IKZF1: variants seen among roughly 807,000 people sequenced by gnomAD.
IKZF1 encodes the protein IKAROS family zinc finger 1.
In IKZF1, 10 loss-of-function variants were observed where a neutral mutation model predicts 51.7. That is an observed-to-expected ratio of 0.19 (90% CI 0.12 to 0.33). The LOEUF (loss-of-function observed/expected upper bound fraction) is 0.33, where lower values mean the gene tolerates loss of function less well. Among genes scored for constraint, IKZF1 ranks in the 10% least tolerant of loss-of-function variants. The pLI, the probability that IKZF1 is intolerant of heterozygous loss-of-function variation, is 1.00. For synonymous variants in IKZF1, 280 were observed against 282.3 expected (o/e 0.99, Z 0.08); for missense variants, 484 against 707.5 (o/e 0.68, Z 3.58).
intron 3 of IKZF1, chr7:50,368,375 T>A: frequency 1.5e-6 from 1 of 678,430 alleles, no homozygotes; most frequent in East Asian, 2.7e-5. Flanking sequence ...CTGTAATCCT[T>A]TTTATTGAGT....
intron 3 of IKZF1, among the ~76,000 whole-genome samples, chr7:50,373,155 T>C (rs1440862573): frequency 6.6e-6 from 1 of 152,232 alleles, no homozygotes; most frequent in East Asian, 1.9e-4. Flanking sequence ...TTCTGTTTCC[T>C]TCCTGTCACA....
At chr7:50,364,504 C>G (rs1325469052) in intron 3 of IKZF1, among the ~76,000 whole-genome samples, 1 of 152,206 alleles carries the variant, frequency 6.6e-6, no homozygotes, top group East Asian at 1.9e-4. Context: ...CCTGAATTTA[C>G]TAAAGGACAG....
intron 3 of IKZF1, among the ~76,000 whole-genome samples, chr7:50,332,549 C>T (rs1796645626): frequency 6.6e-6 from 1 of 151,990 alleles, no homozygotes; most frequent in Non-Finnish European, 1.5e-5. Flanking sequence ...GGATGGCCAC[C>T]CCTGAGAAAG....
chr7:50,342,917 G>C (rs1349815346), intron 3 of IKZF1, among the ~76,000 whole-genome samples: 4 of 152,154 alleles, frequency 2.6e-5, no homozygotes, highest in Non-Finnish European at 5.9e-5. Context: ...ATCCAAAAAG[G>C]CACAGATTCG....
chr7:50,374,554 C>A (rs1230275188), intron 3 of IKZF1, among the ~76,000 whole-genome samples: 1 of 152,160 alleles, frequency 6.6e-6, no homozygotes, highest in Non-Finnish European at 1.5e-5. Flanking sequence ...TTATGGAGTC[C>A]TTGTGAAGGT....
chr7:50,378,224 A>G (rs1396869687), intron 4 of IKZF1, among the ~76,000 whole-genome samples: 3 of 152,340 alleles, frequency 2.0e-5, no homozygotes, highest in Non-Finnish European at 2.9e-5. Flanking sequence ...GTTGATATCA[A>G]TAGATATCCA....
At chr7:50,316,573 C>G (rs1349599754) in intron 1 of IKZF1, among the ~76,000 whole-genome samples, 1 of 152,226 alleles carries the variant, frequency 6.6e-6, no homozygotes, top group African/African-American at 2.4e-5. Context: ...CTAGCTCCCT[C>G]CAGGAGACTG....
At chr7:50,375,039 G>A (rs1809819270) in intron 3 of IKZF1, among the ~76,000 whole-genome samples, 1 of 151,786 alleles carries the variant, frequency 6.6e-6, no homozygotes, top group Non-Finnish European at 1.5e-5. Context: ...TTGAGCCTGA[G>A]AGTCTGTGCT....
intron 3 of IKZF1, among the ~76,000 whole-genome samples, chr7:50,345,001 C>A (rs1336345807): frequency 1.3e-5 from 2 of 151,304 alleles, no homozygotes; most frequent in South Asian, 2.1e-4. Context: ...TAGCAAAAAC[C>A]ACGGTTACTT....
chr7:50,379,342 C>G (rs1255849391), intron 4 of IKZF1, among the ~76,000 whole-genome samples: 1 of 152,220 alleles, frequency 6.6e-6, no homozygotes, highest in Non-Finnish European at 1.5e-5. Context: ...TTCTCAGTCC[C>G]TTCCAGGATA....
chr7:50,396,710 T>G (rs1047403314), intron 7 of IKZF1, among the ~76,000 whole-genome samples: 1 of 152,252 alleles, frequency 6.6e-6, no homozygotes, highest in Non-Finnish European at 1.5e-5. Context: ...GTGAGAGCTA[T>G]TGGGTTTTCT....
At chr7:50,338,128 A>G (rs1348473073) in intron 3 of IKZF1, among the ~76,000 whole-genome samples, 11 of 152,238 alleles carry the variant, frequency 7.2e-5, no homozygotes, top group Non-Finnish European at 1.6e-4. Context: ...AGGTTGAAAA[A>G]TGCCAAACCT....
At chr7:50,343,191 T>TC in intron 3 of IKZF1, among the ~76,000 whole-genome samples, 1 of 86,514 alleles carries the variant, frequency 1.2e-5, no homozygotes, top group African/African-American at 4.7e-5. Flanking sequence ...TCCCTTCCCC[T>TC]CGTCTCCCTT....
intron 1 of IKZF1, among the ~76,000 whole-genome samples, chr7:50,314,220 T>C (rs533007603): frequency 4.9e-4 from 75 of 152,342 alleles, no homozygotes; most frequent in African/African-American, 1.7e-3. Context: ...ATGCCATTCT[T>C]CTGCCTCAGC....
chr7:50,319,195 A>G, intron 2 of IKZF1, 94 bp downstream of exon 2: 1 of 957,946 alleles, frequency 1.0e-6, no homozygotes, highest in Admixed American at 1.9e-5. Flanking sequence ...TGGGGGAGGA[A>G]TAGGGGCTAT....
intron 3 of IKZF1, among the ~76,000 whole-genome samples, chr7:50,365,364 T>C (rs780501443): frequency 2.0e-5 from 3 of 152,240 alleles, no homozygotes; most frequent in Non-Finnish European, 4.4e-5. Context: ...TAGGTACAGC[T>C]ATATTTTGTT....
rs139098345 is a variant in IKZF1, at chr7:50,384,527, G to A, written c.589+1820G>A. Among the ~76,000 whole-genome samples the A allele has an allele frequency of 3.5e-3, 531 of 152,368 alleles. 4 individuals carry two copies. The highest frequency in any genetic ancestry group is 0.012 in the African/African-American group (500 of 41,588). On this transcript the variant is annotated intron_variant, in intron 5 of 7. Transcript: ENST00000331340. ...GGAGTGGGACACTTGCCTTGTTACAGAGGGACAGGGAGAACAGGTGGTTCC... is the reference window on the plus strand; with the variant it reads ...GGAGTGGGACACTTGCCTTGTTACAAAGGGACAGGGAGAACAGGTGGTTCC...
intron 6 of IKZF1, among the ~76,000 whole-genome samples, chr7:50,389,524 G>T (rs1481469774): frequency 6.6e-6 from 1 of 152,238 alleles, no homozygotes; most frequent in African/African-American, 2.4e-5. Flanking sequence ...CTAGGAAGGA[G>T]CAGTGGTCTG....
At position 50,400,635 on chromosome 7, in the gene IKZF1, C is replaced by T. The variant is rs1449767502; in HGVS notation, c.*8C>T. ...CGCTTCCACATGAGCTAAAGCCCTC[C>T]CGCGCCCCCACCCCAGACCCCGAGC... On this transcript the variant is annotated 3_prime_UTR_variant, in exon 8 of 8. Coordinates refer to ENST00000331340, the MANE Select transcript of IKZF1 (RefSeq NM_006060.6). This position sits in a 1 kb window ranked among gnomAD's most constrained non-coding sequence, Gnocchi z 5.4. 7.5e-6 allele frequency: 12 copies of T among 1,601,872 alleles called. No homozygotes were observed. Among genetic ancestry groups the T allele is most frequent in the South Asian group, 1.1e-5 (1 of 90,544 alleles).
Sources: allele counts gnomAD v4.1 joint callset (sites outside exome capture counted in the v4.1 genomes callset), GRCh38; gene constraint gnomAD v4.1.1; non-coding constraint Gnocchi (gnomAD v3.1); transcripts MANE v1.5; gene names NCBI Gene and HGNC (gene_info 2026-07-23, HGNC 2026-07-21).